Variants in SOX5 observed in about 807,000 individuals in gnomAD.
SOX5 encodes the protein SRY-box transcription factor 5.
Under a neutral mutation model 92.0 loss-of-function variants are expected in SOX5, and 9 were observed. The ratio of observed to expected loss-of-function variants is 0.10; its 90% CI spans 0.06 to 0.17. SOX5 has a LOEUF of 0.17. Ranked by LOEUF, SOX5 falls within the 10% of genes least tolerant of loss-of-function variation. The pLI is 1.00. For synonymous variants in SOX5, 344 were observed against 336.3 expected, an observed-to-expected ratio of 1.02 and a Z score of -0.25; for missense variants, 642 against 944.5, an observed-to-expected ratio of 0.68 and a Z score of 4.20.
At chr12:23,746,307 A>G (rs1407187720) in intron 4 of SOX5, among the ~76,000 whole-genome samples, 1 of 152,108 alleles carries the variant, frequency 6.6e-6, no homozygotes, top group Non-Finnish European at 1.5e-5. Context: ...GAGGCCTCCC[A>G]GCAAAAAGGA....
intron 4 of SOX5, among the ~76,000 whole-genome samples, chr12:24,020,929 G>A (rs1199888649): frequency 1.3e-5 from 2 of 152,150 alleles, no homozygotes; most frequent in African/African-American, 4.8e-5. Flanking sequence ...TAAGAGGTCT[G>A]CCCTGCAGAA....
chr12:23,700,498 T>A (rs2090477393), intron 6 of SOX5, among the ~76,000 whole-genome samples: 1 of 152,098 alleles, frequency 6.6e-6, no homozygotes, highest in Non-Finnish European at 1.5e-5. Flanking sequence ...TCAAAGTGCC[T>A]TTGAGCACTT....
intron 4 of SOX5, among the ~76,000 whole-genome samples, chr12:24,143,519 A>C (rs1330237975): frequency 6.6e-6 from 1 of 152,160 alleles, no homozygotes; most frequent in African/African-American, 2.4e-5. Flanking sequence ...CCCAAATCTA[A>C]CTTCTAGATA....
At chr12:24,380,750 G>A (rs946254777) in intron 1 of SOX5, among the ~76,000 whole-genome samples, 16 of 152,052 alleles carry the variant, frequency 1.1e-4, no homozygotes, top group African/African-American at 3.9e-4. Context: ...TTAAAGGAGG[G>A]CACAATGCAT....
At chr12:24,154,614 T>G (rs1227804422) in intron 4 of SOX5, among the ~76,000 whole-genome samples, 2 of 152,112 alleles carry the variant, frequency 1.3e-5, no homozygotes, top group Non-Finnish European at 2.9e-5. Context: ...TTAAAAAAAT[T>G]TATGAAGAGT....
At chr12:23,605,518 T>A (rs2075136310) in intron 8 of SOX5, among the ~76,000 whole-genome samples, 2 of 151,046 alleles carry the variant, frequency 1.3e-5, no homozygotes, top group South Asian at 4.1e-4. Context: ...CATCCCAGTT[T>A]CTTATTTCTC....
At chr12:23,651,894 T>G (rs949058421) in intron 7 of SOX5, among the ~76,000 whole-genome samples, 2 of 151,886 alleles carry the variant, frequency 1.3e-5, no homozygotes, top group African/African-American at 4.8e-5. Flanking sequence ...GTAGCAAAAA[T>G]TATTTAGAAG....
At chr12:24,446,351 A>G (rs1221004998) in intron 1 of SOX5, among the ~76,000 whole-genome samples, 1 of 152,208 alleles carries the variant, frequency 6.6e-6, no homozygotes, top group Non-Finnish European at 1.5e-5. Context: ...GATCAGAAAC[A>G]CCAAGGAAAA....
chr12:23,639,102 C>T (rs925065730), intron 8 of SOX5, among the ~76,000 whole-genome samples: 1 of 151,912 alleles, frequency 6.6e-6, no homozygotes, highest in Non-Finnish European at 1.5e-5. Flanking sequence ...AAAGTAAGAA[C>T]ATATATGTTT....
At chr12:23,892,315 T>C (rs1008241875) in intron 2 of SOX5, among the ~76,000 whole-genome samples, 1 of 152,090 alleles carries the variant, frequency 6.6e-6, no homozygotes, top group Non-Finnish European at 1.5e-5. Flanking sequence ...GTAGAAAGAA[T>C]AAAACTGTGC....
At chr12:24,358,947 G>A (rs1012952455) in intron 2 of SOX5, among the ~76,000 whole-genome samples, 2 of 152,170 alleles carry the variant, frequency 1.3e-5, no homozygotes, top group African/African-American at 4.8e-5. Context: ...ACCTTAGAAA[G>A]GAGGTATATA....
intron 3 of SOX5, among the ~76,000 whole-genome samples, chr12:23,773,136 ATTG>A (rs1390174687): frequency 6.6e-6 from 1 of 152,098 alleles, no homozygotes. Flanking sequence ...CTTTTAAATC[ATTG>A]TTAATTCTAG....
At chr12:24,103,899 C>A (rs1405197699) in intron 4 of SOX5, among the ~76,000 whole-genome samples, 4 of 152,184 alleles carry the variant, frequency 2.6e-5, no homozygotes, top group African/African-American at 9.6e-5. Flanking sequence ...TCCTTCCTAG[C>A]CAGCATATGT....
At chr12:23,734,354 G>A (rs573945687) in intron 6 of SOX5, among the ~76,000 whole-genome samples, 1 of 152,204 alleles carries the variant, frequency 6.6e-6, no homozygotes, top group East Asian at 1.9e-4. Flanking sequence ...TTTCTGCTTT[G>A]GTTCCCTGCA....
intron 9 of SOX5, among the ~76,000 whole-genome samples, chr12:23,593,111 T>C (rs1431335449): frequency 1.3e-5 from 2 of 151,908 alleles, no homozygotes; most frequent in African/African-American, 4.8e-5. Context: ...AAATTACTGT[T>C]TCCTTAAAAA....
In SOX5 at chr12:23,860,841, G is replaced by A. The variant is rs576276501; in HGVS notation, c.271-14648C>T. Among the ~76,000 whole-genome samples the A allele has an allele frequency of 2.0e-5, 3 of 151,592 alleles. No homozygotes were observed. In the South Asian group the frequency reaches 6.2e-4, roughly 32 times the overall value. ...CCCTCTTCACCTATGCCTAAAAATG[G>A]CAGTTATAAGAGAGTAACACCTTCT... On this transcript the variant is annotated intron_variant, in intron 2 of 14. Transcript: ENST00000451604.
At chr12:24,098,816 A>C (rs1945735931) in intron 4 of SOX5, among the ~76,000 whole-genome samples, 2 of 152,160 alleles carry the variant, frequency 1.3e-5, no homozygotes, top group South Asian at 4.1e-4. Context: ...CTAATTCCCC[A>C]CCAGAAGGAA....
At chr12:24,332,101 C>A (rs768969917) in intron 2 of SOX5, among the ~76,000 whole-genome samples, 4 of 151,920 alleles carry the variant, frequency 2.6e-5, no homozygotes, top group Non-Finnish European at 5.9e-5. Context: ...TACCATAGTA[C>A]TTCTTAGAAC....
chr12:24,441,021 G>C (rs1277584468), intron 1 of SOX5, among the ~76,000 whole-genome samples: 1 of 152,202 alleles, frequency 6.6e-6, no homozygotes, highest in Non-Finnish European at 1.5e-5. Context: ...ACCTGAGAAT[G>C]CAAGTTGGGC....
Sources: allele counts gnomAD v4.1 joint callset (sites outside exome capture counted in the v4.1 genomes callset), GRCh38; gene constraint gnomAD v4.1.1; transcripts MANE v1.5; gene names NCBI Gene and HGNC (gene_info 2026-07-23, HGNC 2026-07-21).